The following DOK5 variants were observed in gnomAD, a reference collection of about 807,000 sequenced individuals.
DOK5 encodes docking protein 5.
In DOK5, 27 loss-of-function variants were observed where a neutral mutation model predicts 43.3. The observed-to-expected ratio is 0.62, with a 90% CI of 0.46 to 0.86. The LOEUF is 0.86. Ranked by LOEUF, DOK5 falls within the 40% of genes least tolerant of loss-of-function variation. The probability of loss-of-function intolerance (pLI) is 0.00; values close to 1 mark genes in which losing one functional copy is unlikely to be tolerated. For synonymous variants in DOK5, 146 were observed against 140.1 expected, an observed-to-expected ratio of 1.04 and a Z score of -0.30; for missense variants, 373 against 392.9, an observed-to-expected ratio of 0.95 and a Z score of 0.43.
At position 54,650,673 on chromosome 20, in the gene DOK5, G is replaced by T; in HGVS notation, c.*194G>T. ...TCTTTTTCTTTTTTAAATTCTTAGT[G>T]TAATTGAAACGTGCTCTATAGATAT... On this transcript the variant is annotated 3_prime_UTR_variant, in exon 8 of 8. Transcript: ENST00000262593. 2 of 529,362 alleles carry T rather than the reference G, an allele frequency of 3.8e-6. No individual in the cohort carries two copies. The highest frequency in any genetic ancestry group is 5.5e-5 in the South Asian group (2 of 36,232). 32.8% of individuals were successfully genotyped at this position (529,362 alleles called of 1,614,324 possible).
chr20:54,610,537 T>G lies in DOK5; in HGVS notation c.735+14T>G. The G allele has an allele frequency of 6.8e-7, 1 of 1,469,192 alleles. No individual in the cohort carries two copies. The highest frequency in any genetic ancestry group is 2.5e-5 in the Admixed American group (1 of 40,070). The allele number at this position is 1,469,192 out of a possible 1,614,324, so 91.0% of individuals were successfully genotyped here. A position where few individuals can be genotyped will look rare whatever the true frequency, so the allele number is the denominator to read the frequency against. ...AAAAACTCGATGGTACGTTTGGAAT[T>G]TCTTCCTCGTGTCCCAGTGCCTATC... is the stretch of plus-strand genomic sequence containing the variant. On this transcript the variant is annotated intron_variant, in intron 6 of 7. Coordinates refer to ENST00000262593, the MANE Select transcript of DOK5 (RefSeq NM_018431.5).
intron 1 of DOK5, among the ~76,000 whole-genome samples, chr20:54,486,469 A>G (rs67687183): frequency 0.082 from 12,418 of 152,174 alleles, 567 homozygotes; most frequent in Middle Eastern, 0.13. Flanking sequence ...AAATTGTTTT[A>G]GCTATTCTAG....
intron 6 of DOK5, among the ~76,000 whole-genome samples, chr20:54,630,466 C>T (rs1046817211): frequency 2.6e-5 from 4 of 152,074 alleles, no homozygotes; most frequent in African/African-American, 7.2e-5. Context: ...AGATGCCTAC[C>T]GGTCATCCGG....
chr20:54,533,402 G>C (rs189155541), intron 1 of DOK5, among the ~76,000 whole-genome samples: 1 of 152,200 alleles, frequency 6.6e-6, no homozygotes, highest in East Asian at 1.9e-4. Flanking sequence ...TTATGAACTG[G>C]ATGATGTATT....
At chr20:54,519,763 ATGTT>A (rs943661297) in intron 1 of DOK5, among the ~76,000 whole-genome samples, 1 of 152,206 alleles carries the variant, frequency 6.6e-6, no homozygotes, top group Non-Finnish European at 1.5e-5. Flanking sequence ...TTCAATAACT[ATGTT>A]TGTGAATTTG....
intron 1 of DOK5, among the ~76,000 whole-genome samples, chr20:54,503,012 G>A (rs1185367308): frequency 2.6e-5 from 4 of 152,106 alleles, no homozygotes; most frequent in Admixed American, 2.6e-4. Flanking sequence ...TCTACAGTAT[G>A]CACAGAATAC....
At chr20:54,616,059 G>T (rs947315212) in intron 6 of DOK5, among the ~76,000 whole-genome samples, 11 of 152,164 alleles carry the variant, frequency 7.2e-5, no homozygotes, top group Non-Finnish European at 1.5e-4. Context: ...CCACTTGCTG[G>T]TAATTTGTTT....
intron 5 of DOK5, among the ~76,000 whole-genome samples, chr20:54,604,399 A>T (rs1190639613): frequency 1.3e-5 from 2 of 151,374 alleles, no homozygotes; most frequent in Non-Finnish European, 2.9e-5. Context: ...CATTTTCCCA[A>T]CGCTGACACC....
At chr20:54,489,531 C>T (rs1197600730) in intron 1 of DOK5, among the ~76,000 whole-genome samples, 1 of 151,926 alleles carries the variant, frequency 6.6e-6, no homozygotes, top group African/African-American at 2.4e-5. Flanking sequence ...GATAGGATTC[C>T]CCTGTATGGA....
chr20:54,565,147 C>G (rs1158622008), intron 2 of DOK5, among the ~76,000 whole-genome samples: 9 of 152,126 alleles, frequency 5.9e-5, no homozygotes. Context: ...ATTCCAAGAC[C>G]CCCAGTGGAT....
chr20:54,541,700 G>A (rs1435821008), intron 1 of DOK5, among the ~76,000 whole-genome samples: 4 of 152,038 alleles, frequency 2.6e-5, no homozygotes, highest in African/African-American at 7.2e-5. Flanking sequence ...GCCTCCTAAA[G>A]TGCTAGGATT....
At chr20:54,631,661 T>A (rs1027903983) in intron 6 of DOK5, among the ~76,000 whole-genome samples, 6 of 152,144 alleles carry the variant, frequency 3.9e-5, no homozygotes, top group Non-Finnish European at 8.8e-5. Context: ...AGGAAGAACA[T>A]AATTTATTAC....
At chr20:54,622,565 T>C (rs1320028310) in intron 6 of DOK5, among the ~76,000 whole-genome samples, 2 of 152,216 alleles carry the variant, frequency 1.3e-5, no homozygotes, top group Non-Finnish European at 2.9e-5. Flanking sequence ...ATGCCTCTAT[T>C]GGAAAAGGAG....
chr20:54,492,536 C>T (rs1334601264), intron 1 of DOK5, among the ~76,000 whole-genome samples: 2 of 152,060 alleles, frequency 1.3e-5, no homozygotes, highest in Non-Finnish European at 2.9e-5. Flanking sequence ...CTCACGCATA[C>T]ATGATACTGT....
At chr20:54,485,281 C>T (rs1452707598) in intron 1 of DOK5, among the ~76,000 whole-genome samples, 3 of 148,610 alleles carry the variant, frequency 2.0e-5, no homozygotes, top group Non-Finnish European at 3.0e-5. Context: ...TTGCAGTGAG[C>T]GGCGGAGGTT....
intron 1 of DOK5, among the ~76,000 whole-genome samples, chr20:54,477,692 A>G (rs1482205658): frequency 6.6e-6 from 1 of 152,110 alleles, no homozygotes; most frequent in Non-Finnish European, 1.5e-5. Flanking sequence ...TTACTCCATC[A>G]TGTCAATGGA....
At chr20:54,484,722 T>C (rs1404252180) in intron 1 of DOK5, among the ~76,000 whole-genome samples, 1 of 152,198 alleles carries the variant, frequency 6.6e-6, no homozygotes, top group East Asian at 1.9e-4. Context: ...AAGAATATTA[T>C]GTAAATGGAG....
intron 1 of DOK5, among the ~76,000 whole-genome samples, chr20:54,495,845 G>T (rs538952727): frequency 6.6e-6 from 1 of 152,232 alleles, no homozygotes; most frequent in Non-Finnish European, 1.5e-5. Context: ...TCATGCCATT[G>T]CATTTCAGCC....
intron 1 of DOK5, among the ~76,000 whole-genome samples, chr20:54,529,562 T>C (rs1460280799): frequency 6.6e-6 from 1 of 152,192 alleles, no homozygotes; most frequent in Non-Finnish European, 1.5e-5. Flanking sequence ...AACAGCATTA[T>C]TGGGATATAA....
Sources: gnomAD v4.1 joint callset for allele counts (sites outside exome capture counted in the v4.1 genomes callset) on GRCh38, gnomAD v4.1.1 for gene constraint, MANE v1.5 for transcripts, NCBI Gene and HGNC (gene_info 2026-07-23, HGNC 2026-07-21) for gene names.